GPR143: variants seen among roughly 807,000 people sequenced by gnomAD.
The protein encoded by GPR143 is G-protein coupled receptor 143.
Under a neutral mutation model 27.6 loss-of-function variants are expected in GPR143, and 8 were observed. That is an observed-to-expected ratio of 0.29 (90% confidence interval 0.17 to 0.52). The LOEUF (loss-of-function observed/expected upper bound fraction) is 0.52. Ranked by LOEUF, GPR143 falls within the 20% of genes least tolerant of loss-of-function variation. The pLI is 0.96. For synonymous variants in GPR143, 156 were observed against 153.2 expected (o/e 1.02, Z -0.13); for missense variants, 303 against 343.1 (o/e 0.88, Z 0.92).
intron 1 of GPR143, among the ~76,000 whole-genome samples, chrX:9,761,960 G>A (rs1053878166): frequency 1.8e-5 from 2 of 112,141 alleles, no homozygotes; most frequent in Non-Finnish European, 3.8e-5. Flanking sequence ...GGTGGCACGC[G>A]CCTGTGGTCC....
intron 1 of GPR143, among the ~76,000 whole-genome samples, chrX:9,771,292 C>T (rs746446920): frequency 9.0e-6 from 1 of 111,390 alleles, no homozygotes; most frequent in East Asian, 2.8e-4. Context: ...AATTCCTGGT[C>T]TCAAGCCATC....
At chrX:9,742,720 C>T (rs1389692166) in intron 6 of GPR143, among the ~76,000 whole-genome samples, 2 of 111,754 alleles carry the variant, frequency 1.8e-5, no homozygotes, top group Non-Finnish European at 3.8e-5. Flanking sequence ...CTGCTCAGGC[C>T]GTTCTCCAAC....
At chrX:9,753,475 G>C (rs773683682) in intron 3 of GPR143, among the ~76,000 whole-genome samples, 5 of 110,331 alleles carry the variant, frequency 4.5e-5, no homozygotes, top group Non-Finnish European at 9.5e-5. Context: ...ATCAGCCAAT[G>C]GCTGTGACTG....
intron 8 of GPR143, among the ~76,000 whole-genome samples, chrX:9,729,992 T>G (rs763544209): frequency 8.9e-6 from 1 of 112,819 alleles, no homozygotes; most frequent in Non-Finnish European, 1.9e-5. Flanking sequence ...CATGTTTATA[T>G]ATACAAGTAT....
chrX:9,778,048 G>A (rs866374710), intron 1 of GPR143, among the ~76,000 whole-genome samples: 5 of 109,907 alleles, frequency 4.5e-5, no homozygotes, highest in Middle Eastern at 4.7e-3. Flanking sequence ...CTGAGATCGC[G>A]CCACTGCACT....
chrX:9,738,193 G>T (rs1352982333), intron 8 of GPR143: 1 of 112,798 alleles, frequency 8.9e-6, no homozygotes, highest in Admixed American at 9.4e-5. Context: ...TTGTTTGGTG[G>T]TGGTGATTGG....
At chrX:9,770,356 A>AGAGAGG (rs1289137367), upstream of GPR143, among the ~76,000 whole-genome samples, 1 of 95,880 alleles carries the variant, frequency 1.0e-5, no homozygotes, top group Non-Finnish European at 2.1e-5. Context: ...AGAGAGAGAG[A>AGAGAGG]GGAAGACCAG....
chrX:9,736,782 G>T (rs1301550968), intron 8 of GPR143, among the ~76,000 whole-genome samples: 1 of 112,337 alleles, frequency 8.9e-6, no homozygotes, highest in Non-Finnish European at 1.9e-5. Flanking sequence ...TTTCTCAAAA[G>T]GCTTTCCTTT....
chrX:9,760,865 A>G lies in GPR143; in HGVS notation c.251-39T>C, dbSNP rs978052391. 5.5e-6 allele frequency: 4 copies of G among 733,886 alleles called. No homozygotes were observed. In the East Asian group the frequency reaches 1.0e-4, roughly 19 times the overall value. 60.5% of individuals were successfully genotyped at this position (733,886 alleles called of 1,213,427 possible). A position where few individuals can be genotyped will look rare whatever the true frequency, so the allele number is the denominator to read the frequency against. ...GGATAATACTTTGTATCTGATCCTA[A>G]TCAAATATAAAGCTGACTTCTTGCT... is the stretch of plus-strand genomic sequence containing the variant. On this transcript the variant is annotated intron_variant, in intron 1 of 8. Coordinates refer to ENST00000467482, the MANE Select transcript of GPR143 (RefSeq NM_000273.3).
upstream of GPR143, chrX:9,765,994 G>A (rs1245679379): frequency 1.5e-5 from 5 of 344,230 alleles, no homozygotes; most frequent in Non-Finnish European, 1.9e-5. Context: ...CTAACGCCAC[G>A]AGGCCTCACG....
intron 1 of GPR143, among the ~76,000 whole-genome samples, chrX:9,776,549 C>CTTTTTT (rs145411367): frequency 1.4e-5 from 1 of 71,594 alleles, no homozygotes; most frequent in Non-Finnish European, 2.5e-5. Flanking sequence ...CCATGCCTAG[C>CTTTTTT]TTTTTTTTTT....
rs747507373 is a variant in GPR143 at position 9,750,956 on chromosome X, C to T, written c.456-2290G>A. On this transcript the variant is annotated intron_variant, in intron 3 of 8. Transcript: ENST00000467482. ...GACTGCACCTCACGGGCACAGCACT[C>T]GCCAGGTGCTCCTCCCAGCCTCCCC... Among the ~76,000 whole-genome samples the T allele has an allele frequency of 4.4e-5, 5 of 112,772 alleles. No individual in the cohort carries two copies. In the East Asian group the frequency reaches 8.4e-4, roughly 19 times the overall value.
chrX:9,765,351 G>A (rs2083525727), intron 1 of GPR143, among the ~76,000 whole-genome samples: 1 of 110,252 alleles, frequency 9.1e-6, no homozygotes, highest in African/African-American at 3.3e-5. Flanking sequence ...CTCAGCCGGG[G>A]ACCGAGCAGG....
At chrX:9,769,489 T>C (rs372139926), upstream of GPR143, among the ~76,000 whole-genome samples, 2 of 112,124 alleles carry the variant, frequency 1.8e-5, no homozygotes, top group East Asian at 2.8e-4. Flanking sequence ...TAGAATCCAG[T>C]AGAGGAGGTG....
At chrX:9,734,009 G>C (rs1440381567) in intron 8 of GPR143, among the ~76,000 whole-genome samples, 4 of 106,421 alleles carry the variant, frequency 3.8e-5, no homozygotes, top group Non-Finnish European at 3.8e-5. Flanking sequence ...GAACCCAGGA[G>C]GCAGAGGTTG....
Position 9,748,045 on chromosome X carries a change from T to G in GPR143, c.548+529A>C, listed in dbSNP as rs149816423. 1,165 of 120,458 alleles carry G rather than the reference T, an allele frequency of 9.7e-3. 15 individuals are homozygous for G. Among genetic ancestry groups the G allele is most frequent in the African/African-American group, 0.036 (1,126 of 31,121 alleles). The allele number at this position is 120,458 out of a possible 1,213,427, so 9.9% of individuals were successfully genotyped here. A position where few individuals can be genotyped will look rare whatever the true frequency, so the allele number is the denominator to read the frequency against. ...AGGAATGTAAACTTGAGGAAATGCT[T>G]GAGACAGTTCCAGCGGCCACATCTC... On this transcript the variant is annotated intron_variant, in intron 4 of 8. Coordinates refer to ENST00000467482, the MANE Select transcript of GPR143 (RefSeq NM_000273.3).
chrX:9,769,973 A>C (rs942901393), upstream of GPR143, among the ~76,000 whole-genome samples: 1 of 110,152 alleles, frequency 9.1e-6, no homozygotes, highest in Non-Finnish European at 1.9e-5. Context: ...TTTAATATTC[A>C]GAATGAGCCT....
intron 3 of GPR143, among the ~76,000 whole-genome samples, chrX:9,751,333 G>A (rs541516682): frequency 8.9e-6 from 1 of 112,342 alleles, no homozygotes; most frequent in Admixed American, 9.4e-5. Context: ...CCAGCAATGG[G>A]ATTTACCAGC....
intron 1 of GPR143, among the ~76,000 whole-genome samples, chrX:9,764,730 C>T (rs1334797672): frequency 9.0e-6 from 1 of 111,472 alleles, no homozygotes; most frequent in African/African-American, 3.3e-5. Flanking sequence ...CATGTGTTTG[C>T]AAAACTACCT....
Sources: gnomAD v4.1 joint callset for allele counts (sites outside exome capture counted in the v4.1 genomes callset) on GRCh38, gnomAD v4.1.1 for gene constraint, MANE v1.5 for transcripts, NCBI Gene and HGNC (gene_info 2026-07-23, HGNC 2026-07-21) for gene names.